RBBP8: variants seen among roughly 807,000 people sequenced by gnomAD.
The protein encoded by RBBP8 is RB binding protein 8, endonuclease.
RBBP8 carries 88 observed loss-of-function variants against 108.3 expected under a neutral mutation model. The observed-to-expected ratio is 0.81, with a 90% CI of 0.68 to 0.97. The LOEUF (loss-of-function observed/expected upper bound fraction) is 0.97, where lower values mean the gene tolerates loss of function less well. Among genes scored for constraint, RBBP8 ranks in the 50% least tolerant of loss-of-function variants. The probability of loss-of-function intolerance (pLI) is 0.00; values close to 1 mark genes in which losing one functional copy is unlikely to be tolerated. For synonymous variants in RBBP8, 332 were observed against 348.2 expected, an observed-to-expected ratio of 0.95 and a Z score of 0.52; for missense variants, 1,023 against 1,049.0, an observed-to-expected ratio of 0.98 and a Z score of 0.34.
At chr18:22,921,866 G>A (rs1422953585) in intron 3 of RBBP8, among the ~76,000 whole-genome samples, 1 of 152,188 alleles carries the variant, frequency 6.6e-6, no homozygotes, top group East Asian at 1.9e-4. Context: ...ATACTTTTAT[G>A]TCCAGCATTG....
chr18:22,942,695 G>A (rs1202899066), intron 2 of RBBP8, among the ~76,000 whole-genome samples: 16 of 151,986 alleles, frequency 1.1e-4, no homozygotes, highest in Non-Finnish European at 2.4e-4. Flanking sequence ...GAATTTAATG[G>A]AAACTTCAGA....
In RBBP8 at chr18:22,990,548, CAT is replaced by C. The variant is rs538587481; in HGVS notation, c.808-387_808-386del. Among the ~76,000 whole-genome samples the C allele has an allele frequency of 6.9e-3, 1,047 of 152,240 alleles. 5 individuals carry two copies. Among genetic ancestry groups the C allele is most frequent in the Non-Finnish European group, 0.011 (736 of 68,006 alleles). On this transcript the variant is annotated intron_variant, in intron 9 of 18. Coordinates refer to ENST00000327155, the MANE Select transcript of RBBP8 (RefSeq NM_002894.3). ...TTTCATTGTGGTGAAATTAACATAA[CAT>C]AAATTAATTATTTTGAAGTGTACAA...
chr18:22,918,054 A>C (rs1909437513), intron 3 of RBBP8, among the ~76,000 whole-genome samples: 1 of 152,136 alleles, frequency 6.6e-6, no homozygotes, highest in Non-Finnish European at 1.5e-5. Flanking sequence ...CTTAAATTTA[A>C]AAAATCAGAA....
chr18:22,947,836 C>T (rs1291104262), intron 3 of RBBP8, among the ~76,000 whole-genome samples: 1 of 151,962 alleles, frequency 6.6e-6, no homozygotes, highest in Non-Finnish European at 1.5e-5. Context: ...CTTTCTTGAC[C>T]TGAATATTTT....
intron 2 of RBBP8, among the ~76,000 whole-genome samples, chr18:22,943,317 TGGTCCCA>T (rs1396163632): frequency 1.3e-5 from 2 of 152,020 alleles, no homozygotes; most frequent in Non-Finnish European, 2.9e-5. Context: ...TGTGTGCCTG[TGGTCCCA>T]GCTACTTGAG....
chr18:22,977,322 T>C (rs138022826), intron 6 of RBBP8, among the ~76,000 whole-genome samples: 1,558 of 152,138 alleles, frequency 0.01, 23 homozygotes, highest in African/African-American at 0.035. Context: ...CCCTGAACTT[T>C]AGAAGAAAAT....
At position 22,968,829 on chromosome 18, in the gene RBBP8, G is replaced by T. The variant is rs369500650; in HGVS notation, c.272G>T (p.Arg91Leu). The T allele has an allele frequency of 6.2e-7, 1 of 1,613,062 alleles. No individual in the cohort carries two copies. Among genetic ancestry groups the T allele is most frequent in the African/African-American group, 1.3e-5 (1 of 74,892 alleles). ...EDRLRAGLCD[R>L]CAVTEEHMRK... ...AGGTTAAGAGCAGGCTTATGTGATC[G>T]CTGTGCAGTAACTGAAGAACATATG... Residue 91 changes from arginine (R) to leucine (L), a missense_variant, in exon 5 of 19, where the codon CGC (arginine) becomes CTC (leucine). Arg to Leu is a moderately radical substitution (Grantham distance 102). Transcript: ENST00000327155.
chr18:22,997,671 T>C lies in RBBP8; in HGVS notation c.2080T>C (p.Leu694=), dbSNP rs1265311383. Reference sequence around the variant, plus strand: ...AGAGACAGTGGACATGGACTGTACATTGGTTAGTGAAACCGTTCTCTTAAA... The same window carrying C: ...AGAGACAGTGGACATGGACTGTACACTGGTTAGTGAAACCGTTCTCTTAAA... ...GGETVDMDCT[L]VSETVLLKMK... is the part of the protein sequence containing the mutation. The change falls in exon 14 of 19, where the codon TTG becomes CTG. Residue 694 remains leucine, a synonymous_variant. Coordinates refer to ENST00000327155, the MANE Select transcript of RBBP8 (RefSeq NM_002894.3). The C allele has an allele frequency of 7.4e-6, 12 of 1,610,938 alleles. No homozygotes were observed. The highest frequency in any genetic ancestry group is 1.0e-5 in the Non-Finnish European group (12 of 1,178,204).
rs990560515 is a variant in RBBP8 at position 22,975,170 on chromosome 18, C to G, written c.379C>G (p.Leu127Val). Residue 127 changes from leucine (L) to valine (V), a missense_variant, in exon 6 of 19, where the codon CTA (leucine) becomes GTA (valine). By Grantham distance (32) the Leu-to-Val change is conservative. Coordinates refer to ENST00000327155, the MANE Select transcript of RBBP8 (RefSeq NM_002894.3). ...ITELMNERNT[L>V]QEENKKLSEQ... is the part of the protein sequence containing the mutation. ...TTTTTAAGTGAATGAAAGGAATACTCTACAGGAAGAAAATAAAAAGCTTTC... is the reference window on the plus strand; with the variant it reads ...TTTTTAAGTGAATGAAAGGAATACTGTACAGGAAGAAAATAAAAAGCTTTC... The G allele has an allele frequency of 1.2e-6, 2 of 1,612,284 alleles. No individual in the cohort carries two copies. The highest frequency in any genetic ancestry group is 1.1e-5 in the South Asian group (1 of 90,804).
chr18:22,968,083 T>C (rs1913771652), intron 4 of RBBP8, among the ~76,000 whole-genome samples: 1 of 151,724 alleles, frequency 6.6e-6, no homozygotes, highest in Non-Finnish European at 1.5e-5. Context: ...AAAATTTTTT[T>C]TTTTTTTGAG....
intron 4 of RBBP8, among the ~76,000 whole-genome samples, chr18:22,953,181 CAG>C (rs1555634895): frequency 6.6e-6 from 1 of 152,198 alleles, no homozygotes; most frequent in East Asian, 1.9e-4. Context: ...ACAAAGCTAA[CAG>C]GGAGTCCTGG....
intron 4 of RBBP8, among the ~76,000 whole-genome samples, chr18:22,954,325 C>T (rs1912317159): frequency 6.6e-6 from 1 of 152,234 alleles, no homozygotes; most frequent in Non-Finnish European, 1.5e-5. Context: ...AGTGGGGATA[C>T]AGGCATTGGG....
chr18:23,017,622 C>A (rs1004416749), intron 17 of RBBP8, among the ~76,000 whole-genome samples: 4 of 151,094 alleles, frequency 2.6e-5, no homozygotes, highest in Non-Finnish European at 5.9e-5. Context: ...CCACTGCACT[C>A]CAGCCTGGGC....
At chr18:22,929,465 GGTGTGTGTGT>G (rs1165994615), upstream of RBBP8, 1 of 110,714 alleles carries the variant, frequency 9.0e-6, no homozygotes, top group African/African-American at 4.2e-5. Flanking sequence ...TGTTTGGGCA[GGTGTGTGTGT>G]GTGTGTGTGT....
At chr18:22,936,689 A>C (rs1910606471) in intron 1 of RBBP8, 65 bp from the exon 2 acceptor site, 2 of 731,384 alleles carry the variant, frequency 2.7e-6, no homozygotes, top group Non-Finnish European at 4.6e-6. Flanking sequence ...CTTGTGTTTC[A>C]TCCTGATTTC....
intron 3 of RBBP8, among the ~76,000 whole-genome samples, chr18:22,918,718 C>G (rs1430929312): frequency 2.0e-5 from 3 of 152,048 alleles, no homozygotes; most frequent in South Asian, 2.1e-4. Flanking sequence ...ACTCTGTCAC[C>G]CAGGTTTAGC....
At chr18:22,947,337 A>G (rs528143156) in intron 3 of RBBP8, among the ~76,000 whole-genome samples, 42 of 152,140 alleles carry the variant, frequency 2.8e-4, no homozygotes, top group Non-Finnish European at 4.1e-4. Flanking sequence ...TTTTATTCAT[A>G]GTAGTTCCTA....
At chr18:22,916,334 G>C (rs1041173298) in intron 2 of RBBP8, among the ~76,000 whole-genome samples, 2 of 151,816 alleles carry the variant, frequency 1.3e-5, no homozygotes, top group Non-Finnish European at 2.9e-5. Flanking sequence ...ACCTAAGAGG[G>C]ACATTTAAAG....
chr18:22,993,163 A>T lies in RBBP8; in HGVS notation c.1336A>T (p.Lys446Ter), dbSNP rs1328730388. ...GAAATCATTGGGAGGCCGAACATCCAAAAGGAAGAAAACTGAGGAAGAAAG... is the reference window on the plus strand; with the variant it reads ...GAAATCATTGGGAGGCCGAACATCCTAAAGGAAGAAAACTGAGGAAGAAAG... ...PLKSLGGRTS[K>*]RKKTEEESEH... The change falls in exon 11 of 19, where the codon AAA becomes TAA. Residue 446 changes from lysine (K) to a stop codon, truncating the protein, a stop_gained. Coordinates refer to ENST00000327155, the MANE Select transcript of RBBP8 (RefSeq NM_002894.3). LOFTEE classifies it high-confidence loss of function. The T allele has an allele frequency of 6.2e-7, 1 of 1,614,138 alleles. No individual in the cohort carries two copies. Among genetic ancestry groups the T allele is most frequent in the South Asian group, 1.1e-5 (1 of 91,082 alleles).
Sources: gnomAD v4.1 joint callset for allele counts (sites outside exome capture counted in the v4.1 genomes callset) on GRCh38, gnomAD v4.1.1 for gene constraint, MANE v1.5 for transcripts, NCBI Gene and HGNC (gene_info 2026-07-23, HGNC 2026-07-21) for gene names.